Variants in ZNF701 observed in about 807,000 individuals in gnomAD.
ZNF701 encodes zinc finger protein 701.
A neutral mutation model predicts 7.1 loss-of-function variants in ZNF701; 6 were observed. The observed-to-expected ratio is 0.84, with a 90% CI of 0.46 to 1.66. ZNF701 has a LOEUF of 1.66. Among genes scored for constraint, ZNF701 ranks in the 40% most tolerant of loss-of-function variants. ZNF701 has a pLI of 0.01. For synonymous variants in ZNF701, 166 were observed against 188.2 expected (o/e 0.88, Z 0.97); for missense variants, 541 against 559.2 (o/e 0.97, Z 0.33).
intron 2 of ZNF701, 76 bp downstream of exon 2, chr19:52,574,238 C>CT: frequency 1.3e-6 from 2 of 1,582,062 alleles, no homozygotes; most frequent in Non-Finnish European, 1.7e-6. Flanking sequence ...GGAATCTTCT[C>CT]TGAGTCTCAA....
chr19:52,595,952 A>G, the ZNF701 span: 1 of 1,611,964 alleles, frequency 6.2e-7, no homozygotes, highest in Non-Finnish European at 8.5e-7. Flanking sequence ...CCAAGGGAAA[A>G]TTGGTAATCA....
At chr19:52,590,203 T>G (rs1369934517), downstream of ZNF701, among the ~76,000 whole-genome samples, 1 of 151,436 alleles carries the variant, frequency 6.6e-6, no homozygotes, top group African/African-American at 2.4e-5. Flanking sequence ...CATGCTCAAG[T>G]GCTTCTCCTG....
the ZNF701 span, chr19:52,596,222 G>C: frequency 2.2e-5 from 12 of 545,928 alleles, no homozygotes; most frequent in Admixed American, 3.2e-4. Flanking sequence ...ATGTGGCAAA[G>C]TCTTTCATCA....
chr19:52,590,730 A>G (rs542792723), downstream of ZNF701, among the ~76,000 whole-genome samples: 1 of 152,112 alleles, frequency 6.6e-6, no homozygotes, highest in African/African-American at 2.4e-5. Context: ...GTATCTGTGG[A>G]TGTGTCCTCT....
rs2059986920 is a variant in ZNF701, at chr19:52,583,041, TGTG to T, written c.983_985del (p.Cys328_Glu329delinsTer). The T allele has an allele frequency of 6.2e-7, 1 of 1,613,734 alleles. No individual in the cohort carries two copies. The highest frequency in any genetic ancestry group is 1.3e-5 in the African/African-American group (1 of 74,824). ...TCATACTGGAGAGAAACCTTACAAA[TGTG>T]AAGAATGTGACAAAGTTTTCAGTCG... On this transcript the variant is annotated stop_gained and inframe_deletion, in exon 4 of 4. Coordinates refer to ENST00000391785, the MANE Select transcript of ZNF701 (RefSeq NM_018260.3). LOFTEE classifies it low-confidence loss of function (END_TRUNC).
Position 52,583,572 on chromosome 19 carries a change from A to C in ZNF701, c.*115A>C. On this transcript the variant is annotated 3_prime_UTR_variant, in exon 4 of 4. Transcript: ENST00000391785. ...GAATGTGACAAAAGTTTTCAATTTC[A>C]AATCACTCCTTGAAATACATAGGAG... The C allele has an allele frequency of 6.7e-7, 1 of 1,491,876 alleles. No homozygotes were observed. Among genetic ancestry groups the C allele is most frequent in the Non-Finnish European group, 9.3e-7 (1 of 1,071,076 alleles). 92.4% of individuals were successfully genotyped at this position (1,491,876 alleles called of 1,614,324 possible). A position where few individuals can be genotyped will look rare whatever the true frequency, so the allele number is the denominator to read the frequency against.
Position 52,586,983 on chromosome 19 carries a change from C to G in ZNF701, c.*3526C>G, listed in dbSNP as rs933131790. On this transcript the variant is annotated 3_prime_UTR_variant, in exon 4 of 4. Coordinates refer to ENST00000391785, the MANE Select transcript of ZNF701 (RefSeq NM_018260.3). ...TCTACAATCCTGTGTGCAGTTGTCT[C>G]CGCAGCTCTCTGCTGGGACATCAAA... 6.6e-6 allele frequency: 1 copy of G among 152,164 alleles called. No individual in the cohort carries two copies. The highest frequency in any genetic ancestry group is 1.5e-5 in the Non-Finnish European group (1 of 68,044). 9.4% of individuals were successfully genotyped at this position (152,164 alleles called of 1,614,324 possible).
downstream of ZNF701, among the ~76,000 whole-genome samples, chr19:52,589,107 T>C (rs1337040216): frequency 6.6e-6 from 1 of 152,216 alleles, no homozygotes; most frequent in Non-Finnish European, 1.5e-5. Context: ...ATTTGCTATT[T>C]CCTCTTTTAC....
At chr19:52,590,388 TC>T (rs1182919470), downstream of ZNF701, among the ~76,000 whole-genome samples, 2 of 152,046 alleles carry the variant, frequency 1.3e-5, no homozygotes, top group African/African-American at 4.8e-5. Flanking sequence ...ACCTTGCCAG[TC>T]CCCTCTTCAC....
the ZNF701 span, among the ~76,000 whole-genome samples, chr19:52,593,657 C>T: frequency 5.4e-5 from 6 of 110,176 alleles, 2 homozygotes; most frequent in African/African-American, 2.2e-4. Context: ...GGCTGCCGGG[C>T]GGAGGGGCTT....
chr19:52,593,783 C>T, the ZNF701 span, among the ~76,000 whole-genome samples: 11 of 111,810 alleles, frequency 9.8e-5, 2 homozygotes, highest in Admixed American at 9.3e-4. Flanking sequence ...GAGGTGCTCC[C>T]CACATCTCAG....
At chr19:52,570,352 A>G (rs193040) in intron 1 of ZNF701, 22 bp downstream of exon 1, 91,090 of 152,426 alleles carry the variant, frequency 0.6, 27,886 homozygotes, top group Non-Finnish European at 0.69. Flanking sequence ...TCTGTGTTGT[A>G]TTAAGTCTGC....
Position 52,586,168 on chromosome 19 carries a change from A to C in ZNF701, c.*2711A>C, listed in dbSNP as rs985234785. The C allele has an allele frequency of 2.0e-5, 3 of 152,150 alleles. No individual in the cohort carries two copies. Among genetic ancestry groups the C allele is most frequent in the African/African-American group, 7.3e-5 (3 of 41,360 alleles). 9.4% of individuals were successfully genotyped at this position (152,150 alleles called of 1,614,324 possible). On this transcript the variant is annotated 3_prime_UTR_variant, in exon 4 of 4. Transcript: ENST00000391785. ...GGGATCCTCCCACCTCAGCCTGCAGAGTAGCTGGGACCACAGCCGCGCGCC... is the reference window on the plus strand; with the variant it reads ...GGGATCCTCCCACCTCAGCCTGCAGCGTAGCTGGGACCACAGCCGCGCGCC...
rs2059993448 is a variant in ZNF701, at chr19:52,583,998, C to G, written c.*541C>G. 8 of 433,730 alleles carry G rather than the reference C, an allele frequency of 1.8e-5. No homozygotes were observed. The highest frequency in any genetic ancestry group is 1.4e-4 in the South Asian group (8 of 57,758). 26.9% of individuals were successfully genotyped at this position (433,730 alleles called of 1,614,324 possible). A position where few individuals can be genotyped will look rare whatever the true frequency, so the allele number is the denominator to read the frequency against. ...GGCAAGGTCTTCAGTCAAGCTTCATCTTTTGCAAAACGGGAGAATTCATAC... is the reference window on the plus strand; with the variant it reads ...GGCAAGGTCTTCAGTCAAGCTTCATGTTTTGCAAAACGGGAGAATTCATAC... On this transcript the variant is annotated 3_prime_UTR_variant, in exon 4 of 4. Coordinates refer to ENST00000391785, the MANE Select transcript of ZNF701 (RefSeq NM_018260.3).
intron 3 of ZNF701, among the ~76,000 whole-genome samples, chr19:52,578,203 G>GAGATCGCACCACTGCACTCC (rs1335316053): frequency 7.4e-6 from 1 of 134,478 alleles, no homozygotes; most frequent in Non-Finnish European, 1.5e-5. Context: ...GCAGTGAGCC[G>GAGATCGCACCACTGCACTCC]AGATCGCACC....
Position 52,582,604 on chromosome 19 carries a change from G to A in ZNF701, c.545G>A (p.Cys182Tyr), listed in dbSNP as rs756418381. ...FSVSASQRIS[C>Y]RPKTRISNKY... ...GTTTCAGCATCCCAACGAATTTCCT[G>A]TAGGCCAAAAACTCGTATTTCTAAT... The change falls in exon 4 of 4, where the codon TGT (cysteine) becomes TAT (tyrosine). Residue 182 changes from cysteine (C) to tyrosine (Y), a missense_variant. By Grantham distance (194) the Cys-to-Tyr change is radical (BLOSUM62 -2). Coordinates refer to ENST00000391785, the MANE Select transcript of ZNF701 (RefSeq NM_018260.3). 22 of 1,614,034 alleles carry A rather than the reference G, an allele frequency of 1.4e-5. No homozygotes were observed. The South Asian group carries it at 2.3e-4, about 17-fold the overall frequency.
intron 3 of ZNF701, among the ~76,000 whole-genome samples, chr19:52,579,447 G>A (rs2059960818): frequency 7.2e-6 from 1 of 137,992 alleles, no homozygotes; most frequent in South Asian, 2.1e-4. Flanking sequence ...TTGAACCTGG[G>A]AGGCGGGGGT....
At chr19:52,595,979 A>G in the ZNF701 span, 9 of 1,607,008 alleles carry the variant, frequency 5.6e-6, no homozygotes, top group Non-Finnish European at 7.7e-6. Flanking sequence ...GAAGTCTATC[A>G]ATGATGCTTC....
At chr19:52,598,429 GGA>G in the ZNF701 span, among the ~76,000 whole-genome samples, 1 of 152,110 alleles carries the variant, frequency 6.6e-6, no homozygotes, top group African/African-American at 2.4e-5. Context: ...GCAGGGTGGG[GGA>G]GAGGGGCAGG....
Sources: gnomAD v4.1 joint callset for allele counts (sites outside exome capture counted in the v4.1 genomes callset) on GRCh38, gnomAD v4.1.1 for gene constraint, MANE v1.5 for transcripts, NCBI Gene and HGNC (gene_info 2026-07-23, HGNC 2026-07-21) for gene names.